The following ADCY7 variants were observed in gnomAD, a reference collection of about 807,000 sequenced individuals.
ADCY7 encodes adenylate cyclase 7.
A neutral mutation model predicts 120.6 loss-of-function variants in ADCY7; 72 were observed. The ratio of observed to expected loss-of-function variants is 0.60; its 90% confidence interval spans 0.49 to 0.73. ADCY7 has a LOEUF of 0.73. Among genes scored for constraint, ADCY7 ranks in the 30% least tolerant of loss-of-function variants. ADCY7 has a pLI of 0.00. For missense variants in ADCY7, 1,227 were observed against 1,486.0 expected (o/e 0.83, Z 2.87); for synonymous variants, 661 against 628.0 (o/e 1.05, Z -0.78).
intron 7 of ADCY7, 91 bp from the exon 8 acceptor site, chr16:50,298,813 G>C: frequency 6.6e-7 from 1 of 1,519,674 alleles, no homozygotes; most frequent in South Asian, 1.3e-5. Flanking sequence ...GGAGAGAGCC[G>C]GGTGCACCCT....
chr16:50,294,352 G>A (rs554771816), intron 6 of ADCY7, among the ~76,000 whole-genome samples: 2 of 152,346 alleles, frequency 1.3e-5, no homozygotes, highest in African/African-American at 4.8e-5. Context: ...CGGGCTGCCT[G>A]CAGGAGTGCC....
chr16:50,302,876 T>C (rs991569974), intron 10 of ADCY7, among the ~76,000 whole-genome samples: 9 of 152,306 alleles, frequency 5.9e-5, no homozygotes, highest in African/African-American at 2.2e-4. Flanking sequence ...GTTTTTGACA[T>C]GGAGGTGGAT....
chr16:50,285,387 T>A (rs1443338071), intron 1 of ADCY7, among the ~76,000 whole-genome samples: 2 of 152,236 alleles, frequency 1.3e-5, no homozygotes, highest in Non-Finnish European at 2.9e-5. Context: ...GAATAGGAAC[T>A]TCCAGAGGAA....
intron 1 of ADCY7, among the ~76,000 whole-genome samples, chr16:50,274,999 G>A (rs1458709043): frequency 6.6e-6 from 1 of 152,198 alleles, no homozygotes; most frequent in Non-Finnish European, 1.5e-5. Context: ...GAGGCAGGTG[G>A]GCCACTCCTC....
chr16:50,303,289 C>T (rs1166438985), intron 10 of ADCY7, among the ~76,000 whole-genome samples: 1 of 152,202 alleles, frequency 6.6e-6, no homozygotes, highest in Non-Finnish European at 1.5e-5. Context: ...GCTCCCGTGG[C>T]TAGGCAGATA....
intron 22 of ADCY7, 62 bp from the exon 23 acceptor site, chr16:50,313,896 A>T: frequency 7.1e-7 from 1 of 1,411,068 alleles, no homozygotes; most frequent in South Asian, 1.2e-5. Context: ...CCTGAGAAGC[A>T]GGGGCAGCCT....
rs777018669 is a variant in ADCY7, at chr16:50,291,798, C to T, written c.438C>T (p.Gly146=). Residue 146 remains glycine, a synonymous_variant, in exon 4 of 26, where the codon GGC becomes GGT. Coordinates refer to ENST00000673801, the MANE Select transcript of ADCY7 (RefSeq NM_001114.5). ...CACTACTGCCCTTCAGCATGCGGGGCGCTGTCGCCGTTGGGGCCGTCTCCA... is the reference window on the plus strand; with the variant it reads ...CACTACTGCCCTTCAGCATGCGGGGTGCTGTCGCCGTTGGGGCCGTCTCCA... The part of the protein sequence containing the change: ...VYTLLPFSMR[G]AVAVGAVSTA... 2.3e-5 allele frequency: 37 copies of T among 1,613,974 alleles called. No homozygotes were observed. The highest frequency in any genetic ancestry group is 2.7e-5 in the Non-Finnish European group (32 of 1,179,994).
At chr16:50,249,271 C>G (rs1475130255) in intron 1 of ADCY7, among the ~76,000 whole-genome samples, 1 of 152,122 alleles carries the variant, frequency 6.6e-6, no homozygotes, top group Non-Finnish European at 1.5e-5. Context: ...GAAACCCCGT[C>G]TCTACTAAAA....
At chr16:50,275,125 C>T (rs974872895) in intron 1 of ADCY7, among the ~76,000 whole-genome samples, 1 of 152,174 alleles carries the variant, frequency 6.6e-6, no homozygotes, top group Non-Finnish European at 1.5e-5. Context: ...TGAAAACTGC[C>T]TAGGGAGGGT....
intron 1 of ADCY7, among the ~76,000 whole-genome samples, chr16:50,279,887 A>G (rs1361381746): frequency 6.6e-6 from 1 of 152,170 alleles, no homozygotes; most frequent in Non-Finnish European, 1.5e-5. Context: ...TCAGGAACAA[A>G]GAACACTTTT....
At chr16:50,261,971 A>G (rs542427505), upstream of ADCY7, among the ~76,000 whole-genome samples, 1 of 152,296 alleles carries the variant, frequency 6.6e-6, no homozygotes, top group South Asian at 2.1e-4. Flanking sequence ...AGACGTGCCC[A>G]GAGTTCCAAG....
At chr16:50,247,807 C>T (rs1163768841) in intron 1 of ADCY7, among the ~76,000 whole-genome samples, 1 of 152,164 alleles carries the variant, frequency 6.6e-6, no homozygotes, top group Non-Finnish European at 1.5e-5. Context: ...CTCCTCTGCT[C>T]GTTCGGGATC....
chr16:50,301,029 G>C, intron 9 of ADCY7, 53 bp from the exon 10 acceptor site: 3 of 1,597,020 alleles, frequency 1.9e-6, no homozygotes, highest in Middle Eastern at 3.6e-4. Flanking sequence ...TCCCTGGGTG[G>C]ATGCCAGCCC....
At chr16:50,259,222 T>C (rs1295166740) in intron 1 of ADCY7, among the ~76,000 whole-genome samples, 1 of 152,214 alleles carries the variant, frequency 6.6e-6, no homozygotes, top group Non-Finnish European at 1.5e-5. Context: ...CAGGCATCCC[T>C]GTGACATCGT....
At chr16:50,312,341 C>G in intron 21 of ADCY7, 150 bp downstream of exon 21, 1 of 873,146 alleles carries the variant, frequency 1.1e-6, no homozygotes, top group Admixed American at 2.5e-5. Context: ...TGTATGGCAT[C>G]AGCTGTGAGA....
chr16:50,293,330 G>A, intron 5 of ADCY7, 24 bp from the exon 6 acceptor site: 1 of 1,608,560 alleles, frequency 6.2e-7, no homozygotes, highest in Middle Eastern at 1.7e-4. Flanking sequence ...TGGTCCCTCT[G>A]CTGGTCTGCC....
chr16:50,286,239 A>G lies in ADCY7; in HGVS notation c.-268-1673A>G, dbSNP rs2150934115. On this transcript the variant is annotated intron_variant, in intron 1 of 25. Transcript: ENST00000673801. Reference sequence around the variant, plus strand: ...AAAACCCCATCTCTACAAAAAATACATGGCCTACTGCAGCCTAAGTCTCCC... The same window carrying G: ...AAAACCCCATCTCTACAAAAAATACGTGGCCTACTGCAGCCTAAGTCTCCC... Among the ~76,000 whole-genome samples, 2 of 151,022 alleles carry G rather than the reference A, an allele frequency of 1.3e-5. 1 individual carries two copies. The highest frequency in any genetic ancestry group is 6.8e-3 in the Middle Eastern group (2 of 294).
chr16:50,309,453 G>A, intron 17 of ADCY7, 95 bp from the exon 18 acceptor site: 2 of 995,516 alleles, frequency 2.0e-6, no homozygotes, highest in Non-Finnish European at 3.1e-6. Context: ...TCAGGCTGCT[G>A]TGATACTCAT....
rs1596931215 is a variant in ADCY7, at chr16:50,296,608, G to A, written c.948+1857G>A. On this transcript the variant is annotated intron_variant, in intron 7 of 25. Coordinates refer to ENST00000673801, the MANE Select transcript of ADCY7 (RefSeq NM_001114.5). Reference sequence around the variant, plus strand: ...CCTGACCTTGTGATCCGCCTGCCTCGACCTCTCAAAGTGCTGGGATTACAG... The same window carrying A: ...CCTGACCTTGTGATCCGCCTGCCTCAACCTCTCAAAGTGCTGGGATTACAG... Among the ~76,000 whole-genome samples the A allele has an allele frequency of 2.6e-5, 4 of 151,990 alleles. No individual in the cohort carries two copies. The East Asian group carries it at 5.8e-4, about 22-fold the overall frequency.
Sources: gnomAD v4.1 joint callset for allele counts (sites outside exome capture counted in the v4.1 genomes callset) on GRCh38, gnomAD v4.1.1 for gene constraint, MANE v1.5 for transcripts, NCBI Gene and HGNC (gene_info 2026-07-23, HGNC 2026-07-21) for gene names.